Variants in ZC3H18 observed in about 807,000 individuals in gnomAD.
ZC3H18 encodes zinc finger CCCH-type containing 18.
ZC3H18 carries 8 observed loss-of-function variants against 106.1 expected under a neutral mutation model. The observed-to-expected ratio is 0.08, with a 90% confidence interval of 0.04 to 0.14. The LOEUF (loss-of-function observed/expected upper bound fraction) is 0.14, where lower values mean the gene tolerates loss of function less well. Ranked by LOEUF, ZC3H18 falls within the 10% of genes least tolerant of loss-of-function variation. The probability of loss-of-function intolerance (pLI) is 1.00; values close to 1 mark genes in which losing one functional copy is unlikely to be tolerated. For synonymous variants in ZC3H18, 635 were observed against 522.1 expected (o/e 1.22, Z -2.95); for missense variants, 1,318 against 1,278.4 (o/e 1.03, Z -0.47).
chr16:88,618,289 C>T (rs1252297838), intron 8 of ZC3H18, among the ~76,000 whole-genome samples: 1 of 152,044 alleles, frequency 6.6e-6, no homozygotes, highest in East Asian at 1.9e-4. Flanking sequence ...AGCATGTGGC[C>T]CGTAGCTAAA....
chr16:88,630,084 T>G, intron 16 of ZC3H18: 1 of 173,846 alleles, frequency 5.8e-6, no homozygotes, highest in South Asian at 1.3e-4. Flanking sequence ...CCCCCTCGGT[T>G]GCCGCGCCTC....
At chr16:88,609,528 C>T (rs1164933151) in intron 7 of ZC3H18, among the ~76,000 whole-genome samples, 1 of 152,026 alleles carries the variant, frequency 6.6e-6, no homozygotes, top group African/African-American at 2.4e-5. Flanking sequence ...TTTTGAACTC[C>T]TGAGCTCAAG....
chr16:88,572,942 G>GAGAC lies in ZC3H18; in HGVS notation c.-15+2379_-15+2382dup, dbSNP rs759633735. On this transcript the variant is annotated intron_variant, in intron 1 of 17. Transcript: ENST00000301011. ...CCAGCTAATTTTTGTATTTTTAGTAGAGACAGGGGTTTCACTGTGTTGGCC... is the reference window on the plus strand; with the variant it reads ...CCAGCTAATTTTTGTATTTTTAGTAGAGACAGACAGGGGTTTCACTGTGTTGGCC... Among the ~76,000 whole-genome samples, 18 of 152,072 alleles carry GAGAC rather than the reference G, an allele frequency of 1.2e-4. No individual in the cohort carries two copies. In the East Asian group the frequency reaches 1.9e-3, roughly 16 times the overall value.
intron 13 of ZC3H18, chr16:88,625,586 C>T: frequency 2.8e-6 from 1 of 363,034 alleles, no homozygotes; most frequent in Non-Finnish European, 5.1e-6. Context: ...TGGGGAGGAG[C>T]CGGCAGCTTC....
intron 2 of ZC3H18, among the ~76,000 whole-genome samples, chr16:88,582,608 C>G (rs947424458): frequency 1.1e-4 from 17 of 152,144 alleles, no homozygotes; most frequent in African/African-American, 3.9e-4. Flanking sequence ...TGCCAAAGCC[C>G]AGGAAGCAGC....
At position 88,599,878 on chromosome 16, in the gene ZC3H18, G is replaced by A. The variant is rs1208099417; in HGVS notation, c.1018G>A (p.Glu340Lys). The A allele has an allele frequency of 6.2e-7, 1 of 1,614,116 alleles. No homozygotes were observed. Among genetic ancestry groups the A allele is most frequent in the East Asian group, 2.2e-5 (1 of 44,890 alleles). Residue 340 changes from glutamate to lysine, a missense_variant, in exon 6 of 18, where the codon GAA (glutamate) becomes AAA (lysine). Coordinates refer to ENST00000301011, the MANE Select transcript of ZC3H18 (RefSeq NM_144604.4). ...GGTGACCATTGGCGAAGACGAACGG[G>A]AATTTGACAAAGAAAATGAAGTTTT... ...FTVTIGEDER[E>K]FDKENEVFRD...
intron 8 of ZC3H18, among the ~76,000 whole-genome samples, chr16:88,619,261 G>A (rs1465932553): frequency 5.9e-5 from 9 of 152,062 alleles, no homozygotes; most frequent in South Asian, 4.1e-4. Context: ...GCAACAGAGC[G>A]AGGCTCTGTC....
intron 8 of ZC3H18, among the ~76,000 whole-genome samples, chr16:88,621,778 A>G (rs989243306): frequency 1.3e-5 from 2 of 152,224 alleles, no homozygotes; most frequent in African/African-American, 4.8e-5. Context: ...GGCGTGTGCC[A>G]CCATACCTGG....
At chr16:88,573,997 C>G (rs1914575892) in intron 1 of ZC3H18, among the ~76,000 whole-genome samples, 1 of 151,812 alleles carries the variant, frequency 6.6e-6, no homozygotes, top group African/African-American at 2.4e-5. Flanking sequence ...CCTCAGCCTC[C>G]CGAGCAGCTG....
At chr16:88,587,687 C>T (rs1915516709) in intron 3 of ZC3H18, 1 of 1,385,560 alleles carries the variant, frequency 7.2e-7, no homozygotes, top group African/African-American at 1.4e-5. Flanking sequence ...CTTCCTTCTC[C>T]TGGATCCAGA....
chr16:88,585,690 C>A (rs537212468), intron 2 of ZC3H18, among the ~76,000 whole-genome samples: 2 of 151,838 alleles, frequency 1.3e-5, no homozygotes, highest in African/African-American at 4.8e-5. Context: ...CACTGTGAAG[C>A]GAGACTGGAG....
At chr16:88,580,412 C>G (rs1173400413) in intron 2 of ZC3H18, among the ~76,000 whole-genome samples, 1 of 152,120 alleles carries the variant, frequency 6.6e-6, no homozygotes, top group African/African-American at 2.4e-5. Flanking sequence ...AAGGTCCACG[C>G]TCAAGAGCCA....
chr16:88,615,598 TC>T (rs1905548257), intron 8 of ZC3H18, among the ~76,000 whole-genome samples: 1 of 152,180 alleles, frequency 6.6e-6, no homozygotes, highest in Non-Finnish European at 1.5e-5. Context: ...ACCAGCTGAG[TC>T]TGCTTTCCAG....
intron 7 of ZC3H18, among the ~76,000 whole-genome samples, chr16:88,609,746 C>T (rs1320707599): frequency 2.6e-5 from 4 of 152,034 alleles, no homozygotes; most frequent in Non-Finnish European, 5.9e-5. Context: ...ATTACAGGTG[C>T]CCACCATCAC....
At chr16:88,619,119 C>T (rs543888946) in intron 8 of ZC3H18, among the ~76,000 whole-genome samples, 13 of 152,152 alleles carry the variant, frequency 8.5e-5, no homozygotes, top group East Asian at 1.9e-4. Context: ...TGCTTTCTGC[C>T]GCAGACTTGG....
At chr16:88,603,918 C>T (rs1205741950) in intron 6 of ZC3H18, among the ~76,000 whole-genome samples, 1 of 151,720 alleles carries the variant, frequency 6.6e-6, no homozygotes, top group Non-Finnish European at 1.5e-5. Context: ...CAGGCGTGAG[C>T]CACCGTGCCC....
intron 1 of ZC3H18, among the ~76,000 whole-genome samples, chr16:88,574,513 T>G (rs1040686716): frequency 1.3e-5 from 2 of 151,266 alleles, no homozygotes; most frequent in African/African-American, 4.9e-5. Context: ...CTGGCCAGAT[T>G]TGGGTTTTTT....
intron 2 of ZC3H18, among the ~76,000 whole-genome samples, chr16:88,584,458 T>G (rs1000712404): frequency 1.3e-5 from 2 of 152,176 alleles, no homozygotes; most frequent in Non-Finnish European, 1.5e-5. Context: ...CATCCATTAT[T>G]TAAAAGACCA....
rs768437534 is a variant in ZC3H18 at position 88,628,016 on chromosome 16, A to T, written c.2366A>T (p.Lys789Met). Residue 789 changes from lysine (K) to methionine (M), a missense_variant, in exon 15 of 18, where the codon AAG becomes ATG. Physicochemically the swap from Lys to Met is moderately conservative, Grantham distance 95. Coordinates refer to ENST00000301011, the MANE Select transcript of ZC3H18 (RefSeq NM_144604.4). The stretch of plus-strand genomic sequence containing the variant: ...TCTGCAAAACCTCCAGCAGGGGGGA[A>T]GTCCTCCCAGCAGCCCTCGACACCC... Reference protein sequence around the residue: ...PKSAKPPAGGKSSQQPSTPQQ... With the variant: ...PKSAKPPAGGMSSQQPSTPQQ... The T allele has an allele frequency of 2.8e-5, 46 of 1,614,188 alleles. No homozygotes were observed. The highest frequency in any genetic ancestry group is 3.3e-5 in the Admixed American group (2 of 60,026).
Sources: gnomAD v4.1 joint callset for allele counts (sites outside exome capture counted in the v4.1 genomes callset) on GRCh38, gnomAD v4.1.1 for gene constraint, MANE v1.5 for transcripts, NCBI Gene and HGNC (gene_info 2026-07-23, HGNC 2026-07-21) for gene names.